LIMCH1: variants seen among roughly 807,000 people sequenced by gnomAD.
The protein encoded by LIMCH1 is LIM and calponin homology domains-containing protein 1.
Under a neutral mutation model 176.5 loss-of-function variants are expected in LIMCH1, and 113 were observed. The ratio of observed to expected loss-of-function variants is 0.64; its 90% CI spans 0.55 to 0.75. The LOEUF is 0.75. LIMCH1 is among the 30% of genes least tolerant of loss of function. The pLI, the probability that LIMCH1 is intolerant of heterozygous loss-of-function variation, is 0.00. For missense variants in LIMCH1, 1,674 were observed against 1,814.9 expected, an observed-to-expected ratio of 0.92 and a Z score of 1.41; for synonymous variants, 619 against 645.9, an observed-to-expected ratio of 0.96 and a Z score of 0.63.
intron 4 of LIMCH1, 110 bp from the exon 5 acceptor site, chr4:41,613,355 TC>T: frequency 1.1e-6 from 1 of 923,262 alleles, no homozygotes; most frequent in South Asian, 1.7e-5. Context: ...CCACAACCTT[TC>T]CATTCTGATG....
intron 4 of LIMCH1, chr4:41,609,765 A>G: frequency 5.0e-6 from 2 of 400,230 alleles, no homozygotes; most frequent in Non-Finnish European, 1.0e-5. Flanking sequence ...CTGAGATTCT[A>G]GATGAAAAGC....
chr4:41,547,863 G>GTATATATATATATATATATATA (rs573342962), intron 1 of LIMCH1, among the ~76,000 whole-genome samples: 1 of 93,224 alleles, frequency 1.1e-5, no homozygotes, highest in Non-Finnish European at 2.0e-5. Flanking sequence ...TTGTGTGTGT[G>GTATATATATATATATATATATA]TATATATATA....
At chr4:41,404,128 A>G (rs1475644549) in intron 1 of LIMCH1, among the ~76,000 whole-genome samples, 1 of 152,164 alleles carries the variant, frequency 6.6e-6, no homozygotes, top group Non-Finnish European at 1.5e-5. Flanking sequence ...CTTGCACCAT[A>G]GACATTTTTT....
At chr4:41,427,976 T>G (rs533912626) in intron 1 of LIMCH1, among the ~76,000 whole-genome samples, 210 of 151,670 alleles carry the variant, frequency 1.4e-3, no homozygotes, top group African/African-American at 4.8e-3. Context: ...AATTTACTGG[T>G]TCCTTTTTAC....
chr4:41,546,029 A>C (rs1038840030), intron 1 of LIMCH1, among the ~76,000 whole-genome samples: 3 of 152,208 alleles, frequency 2.0e-5, no homozygotes, highest in African/African-American at 2.4e-5. Context: ...AGGCTCTGTC[A>C]ACAGATTTCT....
intron 2 of LIMCH1, among the ~76,000 whole-genome samples, chr4:41,498,168 A>G (rs1423592421): frequency 6.6e-6 from 1 of 152,156 alleles, no homozygotes; most frequent in African/African-American, 2.4e-5. Context: ...TAGGAGTTTC[A>G]GTTTTTGATA....
At chr4:41,683,884 A>C (rs975552252) in intron 26 of LIMCH1, among the ~76,000 whole-genome samples, 1 of 152,180 alleles carries the variant, frequency 6.6e-6, no homozygotes, top group East Asian at 1.9e-4. Context: ...AAAACCTTTG[A>C]CCTTCATTTT....
At chr4:41,529,963 A>T (rs1206840126) in intron 3 of LIMCH1, among the ~76,000 whole-genome samples, 2 of 152,208 alleles carry the variant, frequency 1.3e-5, no homozygotes, top group Non-Finnish European at 2.9e-5. Context: ...GGGGAAAAGG[A>T]TGTACTTTTC....
At chr4:41,669,382 A>G (rs914560879) in intron 21 of LIMCH1, among the ~76,000 whole-genome samples, 5 of 152,084 alleles carry the variant, frequency 3.3e-5, no homozygotes, top group African/African-American at 9.7e-5. Context: ...GAAATAAACT[A>G]CTCTCGAATC....
intron 2 of LIMCH1, among the ~76,000 whole-genome samples, chr4:41,518,169 T>G (rs988349661): frequency 3.9e-5 from 6 of 152,200 alleles, no homozygotes; most frequent in Admixed American, 2.6e-4. Flanking sequence ...AAATTTGCAA[T>G]CCTTTAAGAA....
intron 1 of LIMCH1, among the ~76,000 whole-genome samples, chr4:41,477,013 C>G (rs1407126895): frequency 6.6e-6 from 1 of 152,124 alleles, no homozygotes; most frequent in Non-Finnish European, 1.5e-5. Flanking sequence ...CAGTGGAAGT[C>G]TGATCTTTCT....
At chr4:41,547,879 A>ATG (rs1554094803) in intron 1 of LIMCH1, among the ~76,000 whole-genome samples, 1 of 141,280 alleles carries the variant, frequency 7.1e-6, no homozygotes, top group Non-Finnish European at 1.5e-5. Flanking sequence ...ATATATATAT[A>ATG]TATATATATA....
intron 29 of LIMCH1, among the ~76,000 whole-genome samples, chr4:41,688,594 T>C (rs1722829810): frequency 6.6e-6 from 1 of 152,228 alleles, no homozygotes; most frequent in South Asian, 2.1e-4. Flanking sequence ...TGATATTGCA[T>C]ATTTTTAAAT....
intron 13 of LIMCH1, 55 bp downstream of exon 13, chr4:41,633,863 G>A: frequency 6.6e-7 from 1 of 1,510,938 alleles, no homozygotes; most frequent in Non-Finnish European, 8.9e-7. Context: ...TGAGCTTTCA[G>A]TGTGTTCTTA....
At chr4:41,655,123 CT>C (rs1379288238) in intron 18 of LIMCH1, among the ~76,000 whole-genome samples, 3 of 152,144 alleles carry the variant, frequency 2.0e-5, no homozygotes, top group Non-Finnish European at 4.4e-5. Flanking sequence ...TCTTGATTCA[CT>C]GTCAGTTATA....
chr4:41,426,964 C>G (rs982936069), intron 1 of LIMCH1, among the ~76,000 whole-genome samples: 1 of 152,144 alleles, frequency 6.6e-6, no homozygotes, highest in African/African-American at 2.4e-5. Context: ...CTCTTTGAGG[C>G]CATGGATGGA....
At chr4:41,624,545 TTTTTAAAGGCAA>T (rs1416661253) in intron 7 of LIMCH1, among the ~76,000 whole-genome samples, 219 of 136,814 alleles carry the variant, frequency 1.6e-3, no homozygotes, top group Middle Eastern at 0.01. Context: ...GGTTTTGCCA[TTTTTAAAGGCAA>T]AAACCGCAAT....
At chr4:41,547,248 C>T (rs2079565066) in intron 1 of LIMCH1, among the ~76,000 whole-genome samples, 2 of 152,124 alleles carry the variant, frequency 1.3e-5, no homozygotes, top group African/African-American at 2.4e-5. Context: ...ATCACTGGAA[C>T]ATACTCCTCC....
At chr4:41,520,924 G>A (rs1056080989) in intron 2 of LIMCH1, among the ~76,000 whole-genome samples, 7 of 152,074 alleles carry the variant, frequency 4.6e-5, no homozygotes, top group African/African-American at 1.7e-4. Flanking sequence ...GGAACCACAG[G>A]CAGGAAGTTG....
Sources: gnomAD v4.1 joint callset for allele counts (sites outside exome capture counted in the v4.1 genomes callset) on GRCh38, gnomAD v4.1.1 for gene constraint, MANE v1.5 for transcripts, NCBI Gene and HGNC (gene_info 2026-07-23, HGNC 2026-07-21) for gene names.